The following ADAMTS6 variants were observed in gnomAD, a reference collection of about 807,000 sequenced individuals.
ADAMTS6 encodes the protein A disintegrin and metalloproteinase with thrombospondin motifs 6.
ADAMTS6 carries 23 observed loss-of-function variants against 144.3 expected under a neutral mutation model. The observed-to-expected ratio is 0.16, with a 90% confidence interval of 0.11 to 0.23. ADAMTS6 has a LOEUF of 0.23. Ranked by LOEUF, ADAMTS6 falls within the 10% of genes least tolerant of loss-of-function variation. The probability of loss-of-function intolerance (pLI) is 1.00; values close to 1 mark genes in which losing one functional copy is unlikely to be tolerated. For missense variants in ADAMTS6, 999 were observed against 1,379.6 expected (o/e 0.72, Z 4.37); for synonymous variants, 444 against 457.5 (o/e 0.97, Z 0.38).
chr5:65,416,685 G>A (rs1308194309), intron 7 of ADAMTS6, among the ~76,000 whole-genome samples: 2 of 150,828 alleles, frequency 1.3e-5, no homozygotes, highest in Non-Finnish European at 2.9e-5. Context: ...AGGTTGCAGT[G>A]AGCGGAGATC....
At chr5:65,178,310 C>T (rs1237950) in intron 22 of ADAMTS6, among the ~76,000 whole-genome samples, 7 of 152,284 alleles carry the variant, frequency 4.6e-5, no homozygotes, top group East Asian at 3.9e-4. Flanking sequence ...TCTATTTAGA[C>T]GCAATTGGAG....
chr5:65,399,467 C>T (rs1988971058), intron 7 of ADAMTS6, among the ~76,000 whole-genome samples: 1 of 152,148 alleles, frequency 6.6e-6, no homozygotes, highest in South Asian at 2.1e-4. Context: ...TGGTTTTTAA[C>T]AGAGCATTGT....
chr5:65,376,004 T>C (rs75999160), intron 7 of ADAMTS6, among the ~76,000 whole-genome samples: 22,199 of 151,712 alleles, frequency 0.15, 1,821 homozygotes, highest in African/African-American at 0.21. Flanking sequence ...AGTAAACTAT[T>C]GCAAGAACAA....
At chr5:65,471,361 G>A (rs1760416411) in intron 2 of ADAMTS6, among the ~76,000 whole-genome samples, 2 of 152,056 alleles carry the variant, frequency 1.3e-5, no homozygotes, top group African/African-American at 4.8e-5. Context: ...TATTACTTGT[G>A]AAGGACTATT....
intron 9 of ADAMTS6, among the ~76,000 whole-genome samples, chr5:65,315,442 AC>A (rs1331799555): frequency 6.6e-6 from 1 of 152,124 alleles, no homozygotes; most frequent in Non-Finnish European, 1.5e-5. Context: ...ATAAAAAGAA[AC>A]AAAATACAAT....
intron 7 of ADAMTS6, among the ~76,000 whole-genome samples, chr5:65,335,158 T>C (rs941192150): frequency 2.0e-5 from 3 of 152,192 alleles, no homozygotes; most frequent in Non-Finnish European, 4.4e-5. Context: ...CACTGGGTTG[T>C]TGAACTCATT....
At chr5:65,451,338 T>A in intron 7 of ADAMTS6, 137 bp downstream of exon 7, 1 of 851,146 alleles carries the variant, frequency 1.2e-6, no homozygotes, top group Non-Finnish European at 1.8e-6. Flanking sequence ...ATACATTCTT[T>A]CTCAGTAGTG....
At chr5:65,387,955 A>T (rs1013493590) in intron 7 of ADAMTS6, among the ~76,000 whole-genome samples, 1 of 152,192 alleles carries the variant, frequency 6.6e-6, no homozygotes, top group African/African-American at 2.4e-5. Flanking sequence ...TCACACCTGT[A>T]ATCCCAGCAC....
At chr5:65,277,292 A>C (rs778028966) in intron 11 of ADAMTS6, among the ~76,000 whole-genome samples, 4 of 152,198 alleles carry the variant, frequency 2.6e-5, no homozygotes, top group Non-Finnish European at 4.4e-5. Context: ...AAAAAATAAT[A>C]ATCACTTAGA....
chr5:65,464,691 A>C (rs528423965), intron 3 of ADAMTS6, among the ~76,000 whole-genome samples: 4 of 152,038 alleles, frequency 2.6e-5, no homozygotes, highest in Non-Finnish European at 5.9e-5. Flanking sequence ...TCTCCTTCAA[A>C]TATCTTGTCC....
intron 7 of ADAMTS6, among the ~76,000 whole-genome samples, chr5:65,409,294 G>A (rs554558414): frequency 3.3e-5 from 5 of 151,848 alleles, no homozygotes; most frequent in South Asian, 2.1e-4. Flanking sequence ...TCAAATAGAC[G>A]CAATAAAAAA....
intron 7 of ADAMTS6, among the ~76,000 whole-genome samples, chr5:65,372,384 T>C (rs1037974562): frequency 2.6e-5 from 4 of 151,738 alleles, no homozygotes; most frequent in African/African-American, 7.3e-5. Flanking sequence ...GAGGCACACA[T>C]AGGCTCAAAA....
At chr5:65,427,316 T>G (rs899873325) in intron 7 of ADAMTS6, among the ~76,000 whole-genome samples, 5 of 152,036 alleles carry the variant, frequency 3.3e-5, no homozygotes, top group Non-Finnish European at 7.4e-5. Context: ...TTATTATTTT[T>G]TTTTAGAGAC....
In ADAMTS6 at chr5:65,214,449, T is replaced by C. The variant is rs568612903; in HGVS notation, c.2575+345A>G. ...TACAAGAAGTTGCATCTGTGATGTCTGATTCTTGCTCATTTTCTTTTTTAA... is the reference window on the plus strand; with the variant it reads ...TACAAGAAGTTGCATCTGTGATGTCCGATTCTTGCTCATTTTCTTTTTTAA... On this transcript the variant is annotated intron_variant, in intron 20 of 24. Coordinates refer to ENST00000381055, the MANE Select transcript of ADAMTS6 (RefSeq NM_197941.4). The surrounding 1 kb of genome is among the most constrained non-coding windows in gnomAD (Gnocchi z 4.6). 23 of 367,900 alleles carry C rather than the reference T, an allele frequency of 6.3e-5. No homozygotes were observed. The highest frequency in any genetic ancestry group is 4.8e-4 in the African/African-American group (23 of 47,616). The allele number at this position is 367,900 out of a possible 1,614,324, so 22.8% of individuals were successfully genotyped here. A position where few individuals can be genotyped will look rare whatever the true frequency, so the allele number is the denominator to read the frequency against.
At chr5:65,238,371 G>A (rs925391298) in intron 15 of ADAMTS6, among the ~76,000 whole-genome samples, 1 of 152,120 alleles carries the variant, frequency 6.6e-6, no homozygotes, top group African/African-American at 2.4e-5. Context: ...GGGAGGTCGA[G>A]TCATGTGGAT....
At chr5:65,435,931 A>T (rs1757365661) in intron 7 of ADAMTS6, among the ~76,000 whole-genome samples, 1 of 152,100 alleles carries the variant, frequency 6.6e-6, no homozygotes, top group African/African-American at 2.4e-5. Flanking sequence ...CGGCCTTAAA[A>T]TTTTTTAAAT....
chr5:65,346,859 C>T (rs1360387894), intron 7 of ADAMTS6, among the ~76,000 whole-genome samples: 1 of 150,348 alleles, frequency 6.7e-6, no homozygotes, highest in African/African-American at 2.4e-5. Context: ...ATACGGAATA[C>T]AAAATCAATG....
rs377027063 is a variant in ADAMTS6 at position 65,470,840 on chromosome 5, T to A, written c.400A>T (p.Thr134Ser). ...CTACGTTGATCTTGCAAATATCCTG[T>A]GTAATGACAGTTGTCTAAAAAATCA... The part of the protein sequence containing the change: ...KHDFLDNCHY[T>S]GYLQDQRSTT... Residue 134 changes from threonine (T) to serine (S), a missense_variant, in exon 3 of 25, where the codon ACA becomes TCA. Around this residue, in one of 3 missense-constraint regions of ADAMTS6, gnomAD observed 252 missense variants for 293.7 expected, o/e 0.86. Transcript: ENST00000381055. 1.3e-5 allele frequency: 21 copies of A among 1,611,076 alleles called. No individual in the cohort carries two copies. Among genetic ancestry groups the A allele is most frequent in the Non-Finnish European group, 1.8e-5 (21 of 1,179,176 alleles).
chr5:65,300,825 G>C (rs1224571121), intron 9 of ADAMTS6, among the ~76,000 whole-genome samples: 1 of 151,954 alleles, frequency 6.6e-6, no homozygotes, highest in African/African-American at 2.4e-5. Flanking sequence ...TAGAGACGGG[G>C]TTTCACCATG....
Sources: allele counts gnomAD v4.1 joint callset (sites outside exome capture counted in the v4.1 genomes callset), GRCh38; gene constraint gnomAD v4.1.1; regional missense constraint gnomAD v4.1.1; non-coding constraint Gnocchi (gnomAD v3.1); transcripts MANE v1.5; gene names NCBI Gene and HGNC (gene_info 2026-07-23, HGNC 2026-07-21).